DNM1L: variants seen among roughly 807,000 people sequenced by gnomAD.
DNM1L encodes dynamin 1L.
DNM1L carries 33 observed loss-of-function variants against 92.8 expected under a neutral mutation model. That is an observed-to-expected ratio of 0.36 (90% CI 0.27 to 0.48). The LOEUF is 0.48. DNM1L is among the 20% of genes least tolerant of loss of function. The probability of loss-of-function intolerance (pLI) is 0.99; values close to 1 mark genes in which losing one functional copy is unlikely to be tolerated. For missense variants in DNM1L, 485 were observed against 888.8 expected, an observed-to-expected ratio of 0.55 and a Z score of 5.78; for synonymous variants, 284 against 305.0, an observed-to-expected ratio of 0.93 and a Z score of 0.72.
intron 13 of DNM1L, among the ~76,000 whole-genome samples, chr12:32,734,079 T>C (rs1328250826): frequency 6.6e-6 from 1 of 152,238 alleles, no homozygotes; most frequent in Non-Finnish European, 1.5e-5. Context: ...TGGTAACTTA[T>C]AGTTTATACA....
chr12:32,711,046 G>GTT (rs775415476), intron 5 of DNM1L, 31 bp downstream of exon 5: 20 of 1,597,038 alleles, frequency 1.3e-5, no homozygotes, highest in African/African-American at 1.2e-4. Context: ...GATTTGGTCA[G>GTT]GTTGTTTTCA....
intron 2 of DNM1L, among the ~76,000 whole-genome samples, chr12:32,703,614 CAAAAAAAAAA>C (rs61051514): frequency 1.2e-5 from 1 of 86,894 alleles, no homozygotes; most frequent in Non-Finnish European, 2.5e-5. Flanking sequence ...CATAAACTTT[CAAAAAAAAAA>C]AAAAAAAAGA....
intron 19 of DNM1L, among the ~76,000 whole-genome samples, chr12:32,743,096 C>T (rs1161070711): frequency 6.6e-6 from 1 of 151,038 alleles, no homozygotes; most frequent in Non-Finnish European, 1.5e-5. Context: ...GGGGTTTCAC[C>T]ATGTTAGCCA....
At chr12:32,715,609 G>C (rs1953327430) in intron 6 of DNM1L, among the ~76,000 whole-genome samples, 1 of 152,070 alleles carries the variant, frequency 6.6e-6, no homozygotes, top group Non-Finnish European at 1.5e-5. Flanking sequence ...GTGCATGCCT[G>C]TAGTCCCAGC....
At chr12:32,737,342 T>G (rs891196600) in intron 14 of DNM1L, 181 bp downstream of exon 14, 2 of 588,846 alleles carry the variant, frequency 3.4e-6, no homozygotes, top group Non-Finnish European at 5.9e-6. Flanking sequence ...GATAATAGTA[T>G]TTTGAATTCA....
chr12:32,679,319 C>A lies in DNM1L; in HGVS notation c.-45C>A. 2.2e-6 allele frequency: 3 copies of A among 1,349,510 alleles called. No homozygotes were observed. The highest frequency in any genetic ancestry group is 2.4e-5 in the South Asian group (2 of 84,574). The allele number at this position is 1,349,510 out of a possible 1,614,324, so 83.6% of individuals were successfully genotyped here. Reference sequence around the variant, plus strand: ...GCGAACTGTGGGCCCCGGCCCCATTCATTGCCGTGGCCGGCGGGCACTGGG... The same window carrying A: ...GCGAACTGTGGGCCCCGGCCCCATTAATTGCCGTGGCCGGCGGGCACTGGG... On this transcript the variant is annotated 5_prime_UTR_variant, in exon 1 of 20. Transcript: ENST00000549701.
At position 32,702,807 on chromosome 12, in the gene DNM1L, G is replaced by C. The variant is rs1952766209; in HGVS notation, c.250+1245G>C. Among the ~76,000 whole-genome samples, 3 of 152,122 alleles carry C rather than the reference G, an allele frequency of 2.0e-5. No homozygotes were observed. In the South Asian group the frequency reaches 6.2e-4, roughly 31 times the overall value. On this transcript the variant is annotated intron_variant, in intron 2 of 19. Coordinates refer to ENST00000549701, the MANE Select transcript of DNM1L (RefSeq NM_012062.5). ...AGTAATATTTTTAGATAGACTGCCA[G>C]TGGCTATGTGGGAGCCTTTTAATTA...
chr12:32,705,598 ATAT>A (rs1952890863), intron 2 of DNM1L: 5 of 415,604 alleles, frequency 1.2e-5, no homozygotes, highest in Non-Finnish European at 8.5e-6. Context: ...TGACTTAAAA[ATAT>A]TATATACATC....
chr12:32,725,004 A>C (rs10844322), intron 9 of DNM1L, among the ~76,000 whole-genome samples: 23,334 of 151,900 alleles, frequency 0.15, 1,895 homozygotes, highest in Middle Eastern at 0.21. Flanking sequence ...AGCTTGGGGC[A>C]TTCTCTCTAG....
intron 9 of DNM1L, chr12:32,729,166 C>A (rs1399385054): frequency 6.6e-6 from 1 of 151,774 alleles, no homozygotes; most frequent in Non-Finnish European, 1.5e-5. Context: ...ACTGCAAACT[C>A]CACCTCCTGG....
intron 1 of DNM1L, chr12:32,679,790 C>A (rs1184960585): frequency 9.6e-7 from 1 of 1,039,612 alleles, no homozygotes; most frequent in African/African-American, 1.7e-5. Flanking sequence ...GGACCGGGCG[C>A]GGCCTCGTCC....
chr12:32,689,251 G>A (rs1952139099), intron 1 of DNM1L, among the ~76,000 whole-genome samples: 1 of 152,136 alleles, frequency 6.6e-6, no homozygotes, highest in Admixed American at 6.5e-5. Context: ...AGGCTGGATT[G>A]CAATGGCGTG....
chr12:32,682,189 G>A (rs11052164), intron 1 of DNM1L, among the ~76,000 whole-genome samples: 23,539 of 151,614 alleles, frequency 0.16, 1,917 homozygotes, highest in African/African-American at 0.21. Flanking sequence ...CTAGAGTGCA[G>A]TGCCATGATC....
chr12:32,741,185 T>G (rs965294292), intron 18 of DNM1L, among the ~76,000 whole-genome samples: 2 of 152,240 alleles, frequency 1.3e-5, no homozygotes, highest in Non-Finnish European at 2.9e-5. Context: ...GCTTGTAGAC[T>G]TTTTAAACCC....
At chr12:32,727,484 T>G in intron 9 of DNM1L, 1 of 591,666 alleles carries the variant, frequency 1.7e-6, no homozygotes, top group Non-Finnish European at 3.0e-6. Context: ...GAGGCAGCAC[T>G]GCAAGCAGAT....
intron 5 of DNM1L, among the ~76,000 whole-genome samples, chr12:32,712,031 C>A (rs1283120773): frequency 6.6e-6 from 1 of 152,262 alleles, no homozygotes; most frequent in Non-Finnish European, 1.5e-5. Flanking sequence ...AGAACTCAAT[C>A]GTGTTTTATA....
intron 2 of DNM1L, chr12:32,706,067 T>C: frequency 2.2e-6 from 1 of 456,656 alleles, no homozygotes; most frequent in Non-Finnish European, 3.8e-6. Context: ...TAATTTATTT[T>C]ATTTTTATTT....
chr12:32,731,421 A>T lies in DNM1L; in HGVS notation c.1266A>T (p.Lys422Asn), dbSNP rs2137523694. 6.2e-7 allele frequency: 1 copy of T among 1,614,170 alleles called. No homozygotes were observed. The highest frequency in any genetic ancestry group is 2.2e-5 in the East Asian group (1 of 44,878). ...SFELLVKRQI[K>N]RLEEPSLRCV... ...AGTTACTGGTGAAGCGGCAAATCAA[A>T]CGTCTAGAAGAGCCCAGCCTCCGCT... The change falls in exon 11 of 20, where the codon AAA becomes AAT. Residue 422 changes from lysine (K) to asparagine (N), a missense_variant. Transcript: ENST00000549701. The surrounding 1 kb of genome is among the most constrained non-coding windows in gnomAD (Gnocchi z 5.1).
chr12:32,728,052 AG>A (rs1437239024), intron 9 of DNM1L: 1 of 152,346 alleles, frequency 6.6e-6, no homozygotes, highest in Admixed American at 6.5e-5. Context: ...ATAGACTCAC[AG>A]GAAGTTGCAG....
Sources: allele counts gnomAD v4.1 joint callset (sites outside exome capture counted in the v4.1 genomes callset), GRCh38; gene constraint gnomAD v4.1.1; non-coding constraint Gnocchi (gnomAD v3.1); transcripts MANE v1.5; gene names NCBI Gene and HGNC (gene_info 2026-07-23, HGNC 2026-07-21).